The following PRXL2A variants were observed in gnomAD, a reference collection of about 807,000 sequenced individuals.
PRXL2A encodes peroxiredoxin-like 2A.
Under a neutral mutation model 25.6 loss-of-function variants are expected in PRXL2A, and 26 were observed. The ratio of observed to expected loss-of-function variants is 1.02; its 90% CI spans 0.74 to 1.41. PRXL2A has a LOEUF of 1.41. Ranked by LOEUF, PRXL2A falls within the 40% of genes most tolerant of loss-of-function variation. The probability of loss-of-function intolerance (pLI) is 0.00; values close to 1 mark genes in which losing one functional copy is unlikely to be tolerated. For missense variants in PRXL2A, 246 were observed against 273.9 expected (o/e 0.90, Z 0.72); for synonymous variants, 98 against 102.9 (o/e 0.95, Z 0.29).
intron 1 of PRXL2A, among the ~76,000 whole-genome samples, chr10:80,419,593 C>G (rs1455479705): frequency 6.6e-6 from 1 of 152,172 alleles, no homozygotes; most frequent in Non-Finnish European, 1.5e-5. Flanking sequence ...CAGGCATGAG[C>G]CACCGCGCCC....
rs76422364 is a variant in PRXL2A, at chr10:80,420,671, G to A, written c.178+26G>A. ...GTAAGTGGTGACCCTTCAGGTCTCA[G>A]TACTTTTCCAAGGAGCTGGGATACA... On this transcript the variant is annotated intron_variant, in intron 2 of 5. Transcript: ENST00000606162. 2,554 of 1,507,874 alleles carry A rather than the reference G, an allele frequency of 1.7e-3. 23 individuals carry two copies. In the African/African-American group the frequency reaches 0.03, roughly 18 times the overall value. 93.4% of individuals were successfully genotyped at this position (1,507,874 alleles called of 1,614,324 possible).
At chr10:80,418,209 C>T (rs775845539) in intron 1 of PRXL2A, among the ~76,000 whole-genome samples, 1 of 151,946 alleles carries the variant, frequency 6.6e-6, no homozygotes, top group African/African-American at 2.4e-5. Flanking sequence ...TCTGTTATTT[C>T]TGTCTTCATG....
At position 80,436,534 on chromosome 10, in the gene PRXL2A, A is replaced by AC. The variant is rs1368514437; in HGVS notation, c.*4437dup. The AC allele has an allele frequency of 6.6e-6, 1 of 152,230 alleles. No homozygotes were observed. Among genetic ancestry groups the AC allele is most frequent in the Non-Finnish European group, 1.5e-5 (1 of 68,052 alleles). 9.4% of individuals were successfully genotyped at this position (152,230 alleles called of 1,614,324 possible). A position where few individuals can be genotyped will look rare whatever the true frequency, so the allele number is the denominator to read the frequency against. On this transcript the variant is annotated 3_prime_UTR_variant, in exon 6 of 6. Coordinates refer to ENST00000606162, the MANE Select transcript of PRXL2A (RefSeq NM_032333.5). Reference sequence around the variant, plus strand: ...CAGCACACTCACGTCAGGAGACCTTACCTGGAGCCAGGATGCCCCTGATCA... The same window carrying AC: ...CAGCACACTCACGTCAGGAGACCTTACCCTGGAGCCAGGATGCCCCTGATCA...
chr10:80,415,696 C>T (rs756817848), intron 1 of PRXL2A, among the ~76,000 whole-genome samples: 2 of 152,186 alleles, frequency 1.3e-5, no homozygotes, highest in Non-Finnish European at 2.9e-5. Flanking sequence ...CCTCCCAAAT[C>T]GCCATTTATT....
chr10:80,431,076 T>C (rs1324367704), intron 5 of PRXL2A, among the ~76,000 whole-genome samples: 1 of 152,134 alleles, frequency 6.6e-6, no homozygotes, highest in Non-Finnish European at 1.5e-5. Flanking sequence ...TTTTGTATTT[T>C]TAGTAGAGAC....
rs1433170285 is a variant in PRXL2A, at chr10:80,435,397, G to A, written c.*3298G>A. The A allele has an allele frequency of 8.5e-5, 13 of 152,116 alleles. No homozygotes were observed. The highest frequency in any genetic ancestry group is 8.5e-4 in the Admixed American group (13 of 15,262). 9.4% of individuals were successfully genotyped at this position (152,116 alleles called of 1,614,324 possible). On this transcript the variant is annotated 3_prime_UTR_variant, in exon 6 of 6. Coordinates refer to ENST00000606162, the MANE Select transcript of PRXL2A (RefSeq NM_032333.5). ...GTTCAAGTCTCTCCGTGTCCGGGGT[G>A]AGCAAAATTGTTTGTGCTGAAAATC...
chr10:80,426,072 G>A (rs77000305), intron 4 of PRXL2A, 66 bp downstream of exon 4: 84,974 of 1,595,708 alleles, frequency 0.053, 3,119 homozygotes, highest in African/African-American at 0.17. Flanking sequence ...GTGATAGTCA[G>A]GTGGCCCAGG....
intron 5 of PRXL2A, among the ~76,000 whole-genome samples, chr10:80,431,497 A>G (rs1165744954): frequency 2.0e-5 from 3 of 151,754 alleles, no homozygotes; most frequent in African/African-American, 7.3e-5. Context: ...ATTTTTTTTC[A>G]CTGTATGAGA....
chr10:80,437,056 A>AT lies in PRXL2A; in HGVS notation c.*4959dup, dbSNP rs1845421127. On this transcript the variant is annotated 3_prime_UTR_variant, in exon 6 of 6. Transcript: ENST00000606162. ...AATTCCCCTGTATCTTGGGGTCTTC[A>AT]TTCTGAGGGCTCACATACAATTATG... 6.6e-6 allele frequency: 1 copy of AT among 152,208 alleles called. No individual in the cohort carries two copies. The highest frequency in any genetic ancestry group is 2.1e-4 in the South Asian group (1 of 4,834). The allele number at this position is 152,208 out of a possible 1,614,324, so 9.4% of individuals were successfully genotyped here.
rs376415328 is a variant in PRXL2A at position 80,422,409 on chromosome 10, T to A, written c.179-8T>A. 1.7e-5 allele frequency: 27 copies of A among 1,612,068 alleles called. No homozygotes were observed. In the African/African-American group the frequency reaches 2.9e-4, roughly 18 times the overall value. Reference sequence around the variant, plus strand: ...GGAGATATCGAATTTCTTTTTTTCCTCTCTTAGAACCAAGGACTTTCAAAG... The same window carrying A: ...GGAGATATCGAATTTCTTTTTTTCCACTCTTAGAACCAAGGACTTTCAAAG... On this transcript the variant is annotated splice_region_variant and splice_polypyrimidine_tract_variant and intron_variant, in intron 2 of 5. Transcript: ENST00000606162.
At position 80,432,104 on chromosome 10, in the gene PRXL2A, G is replaced by C; in HGVS notation, c.*5G>C. ...TTGGCCTCAGAGAAAAAATGATTGT[G>C]TGAAACTGCCCAGCTCAGGGATAAC... On this transcript the variant is annotated 3_prime_UTR_variant, in exon 6 of 6. Transcript: ENST00000606162. The C allele has an allele frequency of 6.4e-7, 1 of 1,557,036 alleles. No individual in the cohort carries two copies. The highest frequency in any genetic ancestry group is 8.8e-7 in the Non-Finnish European group (1 of 1,133,700).
rs192341319 is a variant in PRXL2A, at chr10:80,430,190, C to T, written c.577-1796C>T. On this transcript the variant is annotated intron_variant, in intron 5 of 5. Transcript: ENST00000606162. ...ATCTCAGCTCACTGCAACCTCCACC[C>T]CCCCGGGTTCAAGCGATTCTCCTGC... 2.0e-5 allele frequency among the ~76,000 whole-genome samples: 3 copies of T among 151,342 alleles called. No homozygotes were observed. The East Asian group carries it at 5.9e-4, about 30-fold the overall frequency.
intron 2 of PRXL2A, 89 bp from the exon 3 acceptor site, chr10:80,422,328 C>A (rs1442531130): frequency 1.5e-5 from 16 of 1,036,370 alleles, no homozygotes; most frequent in Non-Finnish European, 2.2e-5. Flanking sequence ...GGTCTCTGAC[C>A]TTGGCTGGAC....
intron 2 of PRXL2A, 43 bp from the exon 3 acceptor site, chr10:80,422,369 GGGGCT>G: frequency 6.8e-7 from 1 of 1,473,666 alleles, no homozygotes; most frequent in Non-Finnish European, 9.5e-7. Flanking sequence ...CTTAGTGATT[GGGGCT>G]GGGCTGGGAG....
chr10:80,432,017 TTGGAGACAAAGTAA>T lies in PRXL2A; in HGVS notation c.609_622del (p.Phe203LeufsTer10). On this transcript the variant is annotated frameshift_variant, in exon 6 of 6. Transcript: ENST00000606162. LOFTEE classifies it high-confidence loss of function. ...CTTCTTGAGCACCGAGAAAAAGAAT[TTGGAGACAAAGTAA>T]ACCTACTTTCTGTTCTGGAAGCTGC... The T allele has an allele frequency of 3.7e-6, 6 of 1,611,840 alleles. No homozygotes were observed. The highest frequency in any genetic ancestry group is 4.2e-6 in the Non-Finnish European group (5 of 1,179,296).
rs1161746331 is a variant in PRXL2A at position 80,432,915 on chromosome 10, A to G, written c.*816A>G. ...ATAAAGTGAAATCTCTTGTTTCATT[A>G]TCTTCCATTCTAACCTCAGAGATCT... On this transcript the variant is annotated 3_prime_UTR_variant, in exon 6 of 6. Transcript: ENST00000606162. 1 of 152,240 alleles carries G rather than the reference A, an allele frequency of 6.6e-6. No homozygotes were observed. The highest frequency in any genetic ancestry group is 1.5e-5 in the Non-Finnish European group (1 of 68,044). 9.4% of individuals were successfully genotyped at this position (152,240 alleles called of 1,614,324 possible).
rs563025586 is a variant in PRXL2A at position 80,433,007 on chromosome 10, A to G, written c.*908A>G. On this transcript the variant is annotated 3_prime_UTR_variant, in exon 6 of 6. Transcript: ENST00000606162. ...TATGCATCAGAAATCACCTGTATGT[A>G]TAAGATTTTCTGATAAAACTAATAA... 1.3e-5 allele frequency: 2 copies of G among 152,360 alleles called. No individual in the cohort carries two copies. The highest frequency in any genetic ancestry group is 2.4e-5 in the African/African-American group (1 of 41,578). The allele number at this position is 152,360 out of a possible 1,614,324, so 9.4% of individuals were successfully genotyped here.
At position 80,435,759 on chromosome 10, in the gene PRXL2A, A is replaced by G. The variant is rs979906832; in HGVS notation, c.*3660A>G. ...GCCACCACACGTGGCCAGCCTCTGC[A>G]TTTCTAACAGGTTCCAGGTGATCTT... On this transcript the variant is annotated 3_prime_UTR_variant, in exon 6 of 6. Coordinates refer to ENST00000606162, the MANE Select transcript of PRXL2A (RefSeq NM_032333.5). 2.6e-5 allele frequency: 4 copies of G among 152,200 alleles called. No homozygotes were observed. The highest frequency in any genetic ancestry group is 9.7e-5 in the African/African-American group (4 of 41,430). 9.4% of individuals were successfully genotyped at this position (152,200 alleles called of 1,614,324 possible).
At chr10:80,409,594 C>T (rs1032697355) in intron 1 of PRXL2A, among the ~76,000 whole-genome samples, 2 of 152,150 alleles carry the variant, frequency 1.3e-5, no homozygotes, top group African/African-American at 4.8e-5. Flanking sequence ...GTGAAAAAGT[C>T]AGCTTGAATA....
Sources: gnomAD v4.1 joint callset for allele counts (sites outside exome capture counted in the v4.1 genomes callset) on GRCh38, gnomAD v4.1.1 for gene constraint, MANE v1.5 for transcripts, NCBI Gene and HGNC (gene_info 2026-07-23, HGNC 2026-07-21) for gene names.